Variants in MAGI2 observed in about 807,000 individuals in gnomAD.
MAGI2 encodes the protein membrane-associated guanylate kinase, WW and PDZ domain-containing protein 2.
In MAGI2, 35 loss-of-function variants were observed where a neutral mutation model predicts 133.3. The observed-to-expected ratio is 0.26, with a 90% CI of 0.20 to 0.35. The LOEUF (loss-of-function observed/expected upper bound fraction) is 0.35. Ranked by LOEUF, MAGI2 falls within the 10% of genes least tolerant of loss-of-function variation. The pLI is 1.00. For missense variants in MAGI2, 1,636 were observed against 1,863.4 expected, an observed-to-expected ratio of 0.88 and a Z score of 2.25; for synonymous variants, 729 against 710.6, an observed-to-expected ratio of 1.03 and a Z score of -0.41.
At chr7:78,895,668 CA>C (rs1279782904) in intron 2 of MAGI2, among the ~76,000 whole-genome samples, 1 of 152,036 alleles carries the variant, frequency 6.6e-6, no homozygotes, top group East Asian at 1.9e-4. Context: ...GCAAAGGCTC[CA>C]AGGGCTCGCT....
chr7:78,391,111 C>T (rs996187402), intron 6 of MAGI2, among the ~76,000 whole-genome samples: 2 of 152,170 alleles, frequency 1.3e-5, no homozygotes, highest in African/African-American at 2.4e-5. Flanking sequence ...ATTACGTATC[C>T]AGCCTTTATG....
chr7:78,608,770 T>C (rs904745250), intron 3 of MAGI2, among the ~76,000 whole-genome samples: 4 of 152,182 alleles, frequency 2.6e-5, no homozygotes, highest in Admixed American at 6.5e-5. Flanking sequence ...CATAGTTACA[T>C]GGTACTGAAA....
At chr7:78,448,199 C>T (rs570074867) in intron 6 of MAGI2, among the ~76,000 whole-genome samples, 1 of 152,132 alleles carries the variant, frequency 6.6e-6, no homozygotes, top group East Asian at 1.9e-4. Flanking sequence ...TCCATTATCT[C>T]CATATCTTAC....
At chr7:78,231,016 A>G (rs1353780942) in intron 10 of MAGI2, among the ~76,000 whole-genome samples, 1 of 152,180 alleles carries the variant, frequency 6.6e-6, no homozygotes, top group Non-Finnish European at 1.5e-5. Flanking sequence ...CTGTCACTGG[A>G]CCAGGATCAA....
chr7:79,379,459 T>A (rs1045270751), intron 1 of MAGI2, among the ~76,000 whole-genome samples: 1 of 152,022 alleles, frequency 6.6e-6, no homozygotes, highest in African/African-American at 2.4e-5. Context: ...TGATTTATAA[T>A]CCTTTGGGTA....
At chr7:79,018,559 A>C (rs113361658) in intron 1 of MAGI2, among the ~76,000 whole-genome samples, 50 of 152,340 alleles carry the variant, frequency 3.3e-4, no homozygotes, top group African/African-American at 1.2e-3. Context: ...ACTAACCTTG[A>C]ATGTGAATAG....
At chr7:79,094,149 A>T (rs181311986) in intron 1 of MAGI2, among the ~76,000 whole-genome samples, 1 of 152,290 alleles carries the variant, frequency 6.6e-6, no homozygotes, top group African/African-American at 2.4e-5. Flanking sequence ...ATCCTTTCAA[A>T]CCCTGCTGCT....
intron 10 of MAGI2, among the ~76,000 whole-genome samples, chr7:78,221,651 A>G (rs1390248993): frequency 6.6e-6 from 1 of 152,086 alleles, no homozygotes; most frequent in Non-Finnish European, 1.5e-5. Flanking sequence ...TATTCAGAAA[A>G]TGTGGACAAT....
At chr7:78,405,797 C>T (rs1251149928) in intron 6 of MAGI2, among the ~76,000 whole-genome samples, 1 of 151,858 alleles carries the variant, frequency 6.6e-6, no homozygotes, top group African/African-American at 2.4e-5. Context: ...GACTTTTTTG[C>T]ATTTCTATGT....
chr7:79,174,616 C>T (rs1486296890), intron 1 of MAGI2, among the ~76,000 whole-genome samples: 1 of 150,032 alleles, frequency 6.7e-6, no homozygotes, highest in Non-Finnish European at 1.5e-5. Flanking sequence ...CTTTGGGAGG[C>T]CAAGGTGGGA....
At chr7:79,242,323 A>C (rs1437181533) in intron 1 of MAGI2, among the ~76,000 whole-genome samples, 1 of 152,168 alleles carries the variant, frequency 6.6e-6, no homozygotes, top group Non-Finnish European at 1.5e-5. Context: ...AAGAAGAATT[A>C]AAATAAATAA....
intron 2 of MAGI2, among the ~76,000 whole-genome samples, chr7:78,750,885 T>C (rs371477328): frequency 1.3e-5 from 2 of 152,318 alleles, no homozygotes; most frequent in South Asian, 2.1e-4. Flanking sequence ...TATAATCCAA[T>C]GGCTAAAGAA....
At position 79,277,654 on chromosome 7, in the gene MAGI2, C is replaced by A. The variant is rs139217214; in HGVS notation, c.301+175366G>T. On this transcript the variant is annotated intron_variant, in intron 1 of 21. Transcript: ENST00000354212. ...AAAATATTTAACAATGGGCATTGACCAAGAATGCATTAACAGGCCCCTCAG... is the reference window on the plus strand; with the variant it reads ...AAAATATTTAACAATGGGCATTGACAAAGAATGCATTAACAGGCCCCTCAG... Among the ~76,000 whole-genome samples the A allele has an allele frequency of 1.6e-3, 238 of 152,188 alleles. 1 individual carries two copies. In the South Asian group the frequency reaches 0.019, roughly 12 times the overall value.
intron 12 of MAGI2, among the ~76,000 whole-genome samples, chr7:78,191,707 T>C (rs1241370703): frequency 3.9e-5 from 6 of 152,226 alleles, no homozygotes; most frequent in Non-Finnish European, 4.4e-5. Context: ...CCAGCTCATC[T>C]TGAGATCTCA....
intron 1 of MAGI2, among the ~76,000 whole-genome samples, chr7:79,239,982 AG>A (rs1832261596): frequency 6.6e-6 from 1 of 152,190 alleles, no homozygotes; most frequent in Non-Finnish European, 1.5e-5. Flanking sequence ...GTCTTCCCTC[AG>A]ATTATCCAAT....
intron 2 of MAGI2, among the ~76,000 whole-genome samples, chr7:78,682,339 C>T (rs1176343775): frequency 1.3e-5 from 2 of 152,102 alleles, no homozygotes; most frequent in Non-Finnish European, 2.9e-5. Context: ...CCGTCATCTA[C>T]ATTAGGTATT....
intron 6 of MAGI2, among the ~76,000 whole-genome samples, chr7:78,375,932 G>A (rs1794409254): frequency 6.6e-6 from 1 of 152,016 alleles, no homozygotes. Flanking sequence ...CATTGTGCAA[G>A]GATAAAATAT....
At chr7:78,752,644 T>C (rs887593567) in intron 2 of MAGI2, among the ~76,000 whole-genome samples, 5 of 152,182 alleles carry the variant, frequency 3.3e-5, no homozygotes, top group African/African-American at 1.2e-4. Context: ...AGACCCTGTC[T>C]AACAAATGTA....
At chr7:78,185,797 T>C (rs1827637171) in intron 12 of MAGI2, 127 bp from the exon 13 acceptor site, 1 of 609,446 alleles carries the variant, frequency 1.6e-6, no homozygotes, top group Middle Eastern at 2.7e-4. Context: ...TAAGACTTTT[T>C]TTTTCCTCTA....
Sources: allele counts gnomAD v4.1 joint callset (sites outside exome capture counted in the v4.1 genomes callset), GRCh38; gene constraint gnomAD v4.1.1; transcripts MANE v1.5; gene names NCBI Gene and HGNC (gene_info 2026-07-23, HGNC 2026-07-21).